The following NFATC3 variants were observed in gnomAD, a reference collection of about 807,000 sequenced individuals.
NFATC3 encodes the protein nuclear factor of activated T-cells, cytoplasmic 3.
Under a neutral mutation model 98.6 loss-of-function variants are expected in NFATC3, and 46 were observed. The ratio of observed to expected loss-of-function variants is 0.47; its 90% confidence interval spans 0.37 to 0.60. NFATC3 has a LOEUF of 0.60. Ranked by LOEUF, NFATC3 falls within the 20% of genes least tolerant of loss-of-function variation. The pLI is 0.00. For synonymous variants in NFATC3, 512 were observed against 472.2 expected (o/e 1.08, Z -1.09); for missense variants, 1,256 against 1,295.5 (o/e 0.97, Z 0.47).
At chr16:68,217,741 A>G (rs1318109062) in intron 9 of NFATC3, 2 of 1,231,568 alleles carry the variant, frequency 1.6e-6, no homozygotes, top group Non-Finnish European at 1.0e-6. Context: ...CCACTTAGTC[A>G]TGACTGAGTC....
At chr16:68,113,511 C>T (rs1300024991) in intron 1 of NFATC3, among the ~76,000 whole-genome samples, 3 of 152,196 alleles carry the variant, frequency 2.0e-5, no homozygotes, top group African/African-American at 4.8e-5. Flanking sequence ...CTGGCTGGAA[C>T]GCTCCTGTAT....
chr16:68,096,231 A>G (rs1196683791), intron 1 of NFATC3, among the ~76,000 whole-genome samples: 1 of 152,146 alleles, frequency 6.6e-6, no homozygotes, highest in Non-Finnish European at 1.5e-5. Context: ...CTCCCAATGT[A>G]CTGGGATTAC....
intron 3 of NFATC3, chr16:68,138,714 TC>T: frequency 7.8e-7 from 1 of 1,288,590 alleles, no homozygotes; most frequent in South Asian, 1.2e-5. Flanking sequence ...GGAAAAGTAG[TC>T]CCTGGCTGGG....
At chr16:68,092,036 A>G (rs1038025554) in intron 1 of NFATC3, among the ~76,000 whole-genome samples, 99 of 152,342 alleles carry the variant, frequency 6.5e-4, no homozygotes, top group African/African-American at 2.4e-3. Context: ...TTACGTAATT[A>G]TATTGTATGA....
chr16:68,131,991 C>T lies in NFATC3; in HGVS notation c.1401+5381C>T, dbSNP rs75017671. ...TACTGGTATAGTGTTCCATACATTG[C>T]ACAACTCTGCAAATATGTTGGAATA... On this transcript the variant is annotated intron_variant, in intron 3 of 9. Coordinates refer to ENST00000346183, the MANE Select transcript of NFATC3 (RefSeq NM_173165.3). 6.9e-3 allele frequency among the ~76,000 whole-genome samples: 1,052 copies of T among 152,288 alleles called. 17 individuals carry two copies. Among genetic ancestry groups the T allele is most frequent in the African/African-American group, 0.024 (980 of 41,564 alleles).
intron 9 of NFATC3, among the ~76,000 whole-genome samples, chr16:68,218,765 G>T (rs1366482041): frequency 6.6e-6 from 1 of 150,716 alleles, no homozygotes; most frequent in East Asian, 2.1e-4. Flanking sequence ...ATAGAGACGG[G>T]GTTTCACCAT....
chr16:68,097,554 A>G (rs554717726), intron 1 of NFATC3, among the ~76,000 whole-genome samples: 4 of 152,336 alleles, frequency 2.6e-5, no homozygotes, highest in Admixed American at 1.3e-4. Flanking sequence ...AGTGTGGATT[A>G]TAATGTGAAA....
chr16:68,203,220 A>G (rs1400539501), intron 9 of NFATC3, among the ~76,000 whole-genome samples: 1 of 152,156 alleles, frequency 6.6e-6, no homozygotes, highest in East Asian at 1.9e-4. Flanking sequence ...ATTTGAGAAG[A>G]TTTTTTATTT....
At position 68,211,143 on chromosome 16, in the gene NFATC3, CCTTTT is replaced by C. The variant is rs530655100; in HGVS notation, c.3107-15202_3107-15198del. On this transcript the variant is annotated intron_variant, in intron 9 of 9. Transcript: ENST00000346183. Reference sequence around the variant, plus strand: ...CCTCATAATGAGTTAGGAAGTGTTTCCTTTTCTTTAATCTTTTTAAGAGTTTCAAA... The same window carrying C: ...CCTCATAATGAGTTAGGAAGTGTTTCCTTTAATCTTTTTAAGAGTTTCAAA... 9.9e-5 allele frequency among the ~76,000 whole-genome samples: 15 copies of C among 151,584 alleles called. No individual in the cohort carries two copies. In the East Asian group the frequency reaches 2.7e-3, roughly 28 times the overall value.
chr16:68,165,422 A>C lies in NFATC3; in HGVS notation c.1602-1421A>C, dbSNP rs187435236. 6.9e-3 allele frequency among the ~76,000 whole-genome samples: 746 copies of C among 108,890 alleles called. 3 individuals are homozygous for C. The highest frequency in any genetic ancestry group is 0.026 in the African/African-American group (713 of 27,140). The allele number at this position is 108,890 out of a possible 152,430, so 71.4% of individuals were successfully genotyped here. ...TTTTTTTTTTTTTTGGTGGAGATGG[A>C]GTCTTGCTCTGTTGCCCAGGCTGGA... On this transcript the variant is annotated intron_variant, in intron 4 of 9. Transcript: ENST00000346183.
chr16:68,170,669 T>G (rs2039419025), intron 5 of NFATC3, among the ~76,000 whole-genome samples: 1 of 151,744 alleles, frequency 6.6e-6, no homozygotes, highest in Non-Finnish European at 1.5e-5. Flanking sequence ...ATTTTTGTAT[T>G]TTTAGTAGAG....
At chr16:68,203,581 A>G (rs1354361923) in intron 9 of NFATC3, among the ~76,000 whole-genome samples, 1 of 152,162 alleles carries the variant, frequency 6.6e-6, no homozygotes. Context: ...TGAAATTAGC[A>G]GAGATCATGC....
chr16:68,212,670 C>T (rs2041457163), intron 9 of NFATC3: 2 of 151,898 alleles, frequency 1.3e-5, no homozygotes, highest in South Asian at 2.1e-4. Context: ...TGTTGTGACC[C>T]AGTACACAAA....
At chr16:68,199,796 C>T (rs1417670745) in intron 9 of NFATC3, 4 of 151,872 alleles carry the variant, frequency 2.6e-5, no homozygotes, top group Non-Finnish European at 5.9e-5. Flanking sequence ...CCGTGTTAGC[C>T]AGGATGGTCT....
intron 4 of NFATC3, among the ~76,000 whole-genome samples, chr16:68,165,118 A>G (rs997105659): frequency 6.6e-6 from 1 of 152,036 alleles, no homozygotes; most frequent in South Asian, 2.1e-4. Context: ...GATCTCTGCT[A>G]TTTCCCCTGA....
At chr16:68,117,424 G>C (rs1182324265) in intron 1 of NFATC3, among the ~76,000 whole-genome samples, 2 of 152,126 alleles carry the variant, frequency 1.3e-5, no homozygotes, top group East Asian at 3.8e-4. Flanking sequence ...TACTTGACTA[G>C]CCTCTCCCTG....
chr16:68,193,487 A>G (rs953339904), intron 9 of NFATC3, among the ~76,000 whole-genome samples: 1 of 152,126 alleles, frequency 6.6e-6, no homozygotes, highest in African/African-American at 2.4e-5. Flanking sequence ...CAACATAATG[A>G]GACCTCATTT....
At chr16:68,180,928 A>C (rs1278921523) in intron 6 of NFATC3, among the ~76,000 whole-genome samples, 1 of 152,198 alleles carries the variant, frequency 6.6e-6, no homozygotes, top group Non-Finnish European at 1.5e-5. Flanking sequence ...GGTTGGTTCC[A>C]AGTCTTTGCT....
intron 3 of NFATC3, among the ~76,000 whole-genome samples, chr16:68,136,579 C>T (rs906638299): frequency 2.6e-5 from 4 of 152,106 alleles, no homozygotes; most frequent in African/African-American, 9.7e-5. Context: ...TCAGAGTTTA[C>T]ATTTAATCTT....
Sources: gnomAD v4.1 joint callset for allele counts (sites outside exome capture counted in the v4.1 genomes callset) on GRCh38, gnomAD v4.1.1 for gene constraint, MANE v1.5 for transcripts, NCBI Gene and HGNC (gene_info 2026-07-23, HGNC 2026-07-21) for gene names.